GLG1: variants seen among roughly 807,000 people sequenced by gnomAD.
The protein encoded by GLG1 is golgi glycoprotein 1, also known as Golgi apparatus protein 1.
GLG1 carries 38 observed loss-of-function variants against 160.5 expected under a neutral mutation model. The observed-to-expected ratio is 0.24, with a 90% CI of 0.18 to 0.31. The LOEUF is 0.31. Among genes scored for constraint, GLG1 ranks in the 10% least tolerant of loss-of-function variants. GLG1 has a pLI of 1.00. For missense variants in GLG1, 1,373 were observed against 1,505.2 expected (o/e 0.91, Z 1.45); for synonymous variants, 644 against 543.4 (o/e 1.19, Z -2.57).
At position 74,588,890 on chromosome 16, in the gene GLG1, T is replaced by A. The variant is rs74716199; in HGVS notation, c.438+17767A>T. Among the ~76,000 whole-genome samples the A allele has an allele frequency of 8.3e-3, 1,263 of 151,944 alleles. 19 individuals carry two copies. Among genetic ancestry groups the A allele is most frequent in the African/African-American group, 0.029 (1,207 of 41,480 alleles). Reference sequence around the variant, plus strand: ...AGCTAAATAGCAACTTGACTAAGAATAATCAAATAGGGAAAAGGTTGTTAG... The same window carrying A: ...AGCTAAATAGCAACTTGACTAAGAAAAATCAAATAGGGAAAAGGTTGTTAG... On this transcript the variant is annotated intron_variant, in intron 1 of 25. Transcript: ENST00000422840.
rs1429194753 is a variant in GLG1, at chr16:74,528,702, C to T, written c.471+3419G>A. Among the ~76,000 whole-genome samples the T allele has an allele frequency of 2.7e-5, 4 of 148,176 alleles. No individual in the cohort carries two copies. The Admixed American group carries it at 2.8e-4, about 10-fold the overall frequency. The stretch of plus-strand genomic sequence containing the variant: ...TTGTGGGCACCTGTAATCCCAGCTA[C>T]TCAGGAGGCTGAGGCAGGAGAATCA... On this transcript the variant is annotated intron_variant, in intron 2 of 25. Transcript: ENST00000422840.
chr16:74,542,712 A>AGGAAGGAAG (rs1233351958), intron 1 of GLG1, among the ~76,000 whole-genome samples: 817 of 38,090 alleles, frequency 0.021, 118 homozygotes, highest in Admixed American at 0.061. Context: ...GAGGAAGGGA[A>AGGAAGGAAG]GAAGGGAAGG....
intron 1 of GLG1, among the ~76,000 whole-genome samples, chr16:74,560,810 C>T (rs1194377539): frequency 6.6e-6 from 1 of 151,398 alleles, no homozygotes; most frequent in African/African-American, 2.4e-5. Flanking sequence ...CACAGCAATC[C>T]CATCTCGAAA....
In GLG1 at chr16:74,457,923, G is replaced by C. The variant is rs2014624689; in HGVS notation, c.3216C>G (p.Ala1072=). 1.9e-6 allele frequency: 3 copies of C among 1,613,774 alleles called. No individual in the cohort carries two copies. In the South Asian group the frequency reaches 3.3e-5, roughly 18 times the overall value. Residue 1072 remains alanine (A), a synonymous_variant, in exon 24 of 26, where the codon GCC becomes GCG. Coordinates refer to ENST00000422840, the MANE Select transcript of GLG1 (RefSeq NM_001145667.2). The part of the protein sequence containing the change: ...FVDPVLHTAC[A]LDIKHHCAAI... ...CTGCGCAGTGGTGTTTAATGTCCAG[G>C]GCACAAGCAGTATGAAGTACCGGGT...
intron 1 of GLG1, among the ~76,000 whole-genome samples, chr16:74,580,746 T>C (rs1159221379): frequency 6.6e-6 from 1 of 152,162 alleles, no homozygotes; most frequent in African/African-American, 2.4e-5. Flanking sequence ...AGAAAATATT[T>C]GCAGGTCATC....
chr16:74,560,354 G>A (rs1184380401), intron 1 of GLG1, among the ~76,000 whole-genome samples: 2 of 137,474 alleles, frequency 1.5e-5, no homozygotes, highest in Non-Finnish European at 3.0e-5. Flanking sequence ...TTGAGACGGA[G>A]TCTCACTCTG....
chr16:74,509,187 T>TC (rs2016719140), intron 2 of GLG1, among the ~76,000 whole-genome samples: 1 of 147,996 alleles, frequency 6.8e-6, no homozygotes. Context: ...TTTTTTTTTT[T>TC]TTGAGACAGA....
At chr16:74,585,689 C>T (rs1278133860) in intron 1 of GLG1, among the ~76,000 whole-genome samples, 2 of 129,710 alleles carry the variant, frequency 1.5e-5, no homozygotes, top group African/African-American at 3.0e-5. Flanking sequence ...GCCTGGGTGA[C>T]AGAGCCTGAG....
At chr16:74,494,685 G>A (rs2016122969) in intron 6 of GLG1, 75 bp downstream of exon 6, 14 of 692,966 alleles carry the variant, frequency 2.0e-5, no homozygotes, top group South Asian at 2.9e-5. Flanking sequence ...GATTACAGGC[G>A]TGAGCCACCG....
intron 17 of GLG1, chr16:74,468,204 C>CA (rs1382975564): frequency 6.3e-6 from 1 of 158,466 alleles, no homozygotes; most frequent in Non-Finnish European, 1.3e-5. Context: ...GTTAGGGAAC[C>CA]AAATCTTCCA....
chr16:74,529,558 T>G (rs1033735280), intron 2 of GLG1, among the ~76,000 whole-genome samples: 39 of 151,930 alleles, frequency 2.6e-4, no homozygotes, highest in Non-Finnish European at 4.3e-4. Flanking sequence ...TTACCTCTTC[T>G]CTGGATCTCT....
At chr16:74,479,238 C>CA (rs11343790) in intron 11 of GLG1, among the ~76,000 whole-genome samples, 2,778 of 85,686 alleles carry the variant, frequency 0.032, 49 homozygotes, top group Non-Finnish European at 0.038. Context: ...GGCTTTGTCT[C>CA]AAAAAAAAAA....
chr16:74,548,241 C>T (rs2018103528), intron 1 of GLG1, among the ~76,000 whole-genome samples: 1 of 152,366 alleles, frequency 6.6e-6, no homozygotes, highest in African/African-American at 2.4e-5. Context: ...CCAATTCTTA[C>T]TTGGTAAAAC....
intron 2 of GLG1, among the ~76,000 whole-genome samples, chr16:74,511,637 G>T (rs549452550): frequency 6.6e-6 from 1 of 150,384 alleles, no homozygotes; most frequent in Non-Finnish European, 1.5e-5. Context: ...AAGCTTTCTG[G>T]TATCACAAAA....
At chr16:74,558,771 G>C (rs1338999400) in intron 1 of GLG1, among the ~76,000 whole-genome samples, 1 of 152,206 alleles carries the variant, frequency 6.6e-6, no homozygotes, top group Non-Finnish European at 1.5e-5. Context: ...CAGAAGAAAA[G>C]AGAAGGGCAG....
chr16:74,561,726 T>A (rs956379241), intron 1 of GLG1, among the ~76,000 whole-genome samples: 2 of 152,174 alleles, frequency 1.3e-5, no homozygotes, highest in African/African-American at 4.8e-5. Flanking sequence ...GATACAAAAT[T>A]GGTATTTAAC....
intron 1 of GLG1, among the ~76,000 whole-genome samples, chr16:74,555,934 G>A (rs530845292): frequency 1.1e-3 from 171 of 151,698 alleles, no homozygotes; most frequent in African/African-American, 3.6e-3. Flanking sequence ...CACTCTTCTG[G>A]GCTCAAGCAA....
chr16:74,506,574 T>C (rs2143476526), intron 3 of GLG1, among the ~76,000 whole-genome samples: 2 of 3,296 alleles, frequency 6.1e-4, no homozygotes, highest in Non-Finnish European at 9.1e-4. Flanking sequence ...AGAGCAAGAC[T>C]CCGTCTCAAA....
In GLG1 at chr16:74,477,525, C is replaced by A; in HGVS notation, c.1836G>T (p.Arg612=). 6.2e-7 allele frequency: 1 copy of A among 1,611,928 alleles called. No individual in the cohort carries two copies. The highest frequency in any genetic ancestry group is 8.5e-7 in the Non-Finnish European group (1 of 1,178,782). ...RTEEQGRRLS[R]ECRAEVQRIL... ...TCCTTTGGACTTCAGCTCGGCACTCCCGTGAGAGCTGCATGAGAAAAAATG... is the reference window on the plus strand; with the variant it reads ...TCCTTTGGACTTCAGCTCGGCACTCACGTGAGAGCTGCATGAGAAAAAATG... The change falls in exon 12 of 26, where the codon CGG becomes CGT. Residue 612 remains arginine (R), a synonymous_variant. Transcript: ENST00000422840.
Sources: allele counts gnomAD v4.1 joint callset (sites outside exome capture counted in the v4.1 genomes callset), GRCh38; gene constraint gnomAD v4.1.1; transcripts MANE v1.5; gene names NCBI Gene and HGNC (gene_info 2026-07-23, HGNC 2026-07-21).